SLC35F3: variants seen among roughly 807,000 people sequenced by gnomAD.
SLC35F3 encodes the protein putative thiamine transporter SLC35F3.
A neutral mutation model predicts 49.9 loss-of-function variants in SLC35F3; 25 were observed. The observed-to-expected ratio is 0.50, with a 90% confidence interval of 0.37 to 0.70. The LOEUF (loss-of-function observed/expected upper bound fraction) is 0.70. SLC35F3 is among the 30% of genes least tolerant of loss of function. The pLI, the probability that SLC35F3 is intolerant of heterozygous loss-of-function variation, is 0.00. For synonymous variants in SLC35F3, 275 were observed against 265.4 expected (o/e 1.04, Z -0.35); for missense variants, 525 against 639.8 (o/e 0.82, Z 1.94).
At chr1:234,111,081 A>G (rs893803048) in intron 2 of SLC35F3, among the ~76,000 whole-genome samples, 3 of 152,224 alleles carry the variant, frequency 2.0e-5, no homozygotes, top group Non-Finnish European at 4.4e-5. Context: ...TTAAGATGAG[A>G]AATAAGGTAA....
At chr1:234,235,223 C>T (rs1237896596) in intron 3 of SLC35F3, among the ~76,000 whole-genome samples, 3 of 152,182 alleles carry the variant, frequency 2.0e-5, no homozygotes, top group Non-Finnish European at 4.4e-5. Flanking sequence ...CTCAACCATC[C>T]AGGAGTACAA....
At chr1:234,088,975 T>A (rs1439564179) in intron 2 of SLC35F3, among the ~76,000 whole-genome samples, 3 of 152,158 alleles carry the variant, frequency 2.0e-5, no homozygotes, top group Non-Finnish European at 2.9e-5. Context: ...TTGCCCAGGC[T>A]GGTCTCCAAC....
At chr1:234,302,270 G>A (rs1488869938) in intron 3 of SLC35F3, among the ~76,000 whole-genome samples, 2 of 152,168 alleles carry the variant, frequency 1.3e-5, no homozygotes, top group East Asian at 1.9e-4. Flanking sequence ...TTTGGGGACT[G>A]TGCTAAGTTG....
At chr1:233,922,256 C>CA (rs1571980382) in intron 2 of SLC35F3, among the ~76,000 whole-genome samples, 2 of 152,170 alleles carry the variant, frequency 1.3e-5, no homozygotes, top group East Asian at 3.9e-4. Flanking sequence ...ACAGTCCCAC[C>CA]AACAGTGTAA....
At chr1:234,259,968 G>T (rs545927952) in intron 3 of SLC35F3, among the ~76,000 whole-genome samples, 8 of 152,108 alleles carry the variant, frequency 5.3e-5, no homozygotes, top group Non-Finnish European at 1.2e-4. Context: ...AGATTAAACT[G>T]CCCCTCGTAG....
At chr1:234,143,004 C>T (rs1665940448) in intron 2 of SLC35F3, among the ~76,000 whole-genome samples, 1 of 152,122 alleles carries the variant, frequency 6.6e-6, no homozygotes, top group South Asian at 2.1e-4. Context: ...TACAGTCAAG[C>T]AAATTAACAT....
intron 2 of SLC35F3, among the ~76,000 whole-genome samples, chr1:234,092,290 G>A (rs747960540): frequency 6.6e-6 from 1 of 152,190 alleles, no homozygotes; most frequent in Non-Finnish European, 1.5e-5. Flanking sequence ...AAGTAAAAAT[G>A]TATTAATAGG....
intron 2 of SLC35F3, among the ~76,000 whole-genome samples, chr1:233,989,312 A>T (rs12567674): frequency 6.6e-6 from 1 of 152,246 alleles, no homozygotes; most frequent in Non-Finnish European, 1.5e-5. Flanking sequence ...GAGAATTTCT[A>T]TGAAAACTTT....
chr1:234,294,212 A>G (rs1668554287), intron 3 of SLC35F3, among the ~76,000 whole-genome samples: 1 of 152,186 alleles, frequency 6.6e-6, no homozygotes, highest in Non-Finnish European at 1.5e-5. Context: ...TTCCTGCAAC[A>G]CCCAGGGAGG....
chr1:233,939,606 T>C (rs1662389324), intron 2 of SLC35F3, among the ~76,000 whole-genome samples: 1 of 152,232 alleles, frequency 6.6e-6, no homozygotes, highest in African/African-American at 2.4e-5. Flanking sequence ...AGCTGTGTTC[T>C]TTACATGATT....
intron 2 of SLC35F3, among the ~76,000 whole-genome samples, chr1:234,020,004 G>C (rs1663866883): frequency 6.6e-6 from 1 of 152,098 alleles, no homozygotes; most frequent in Non-Finnish European, 1.5e-5. Context: ...GATCCAGGAG[G>C]TGCTCCAGCA....
chr1:234,140,282 T>C (rs1056402013), intron 2 of SLC35F3, among the ~76,000 whole-genome samples: 1 of 152,154 alleles, frequency 6.6e-6, no homozygotes, highest in African/African-American at 2.4e-5. Flanking sequence ...CATTTAATCA[T>C]CTCGCATCAT....
chr1:234,216,602 C>A (rs1016669707), intron 2 of SLC35F3, among the ~76,000 whole-genome samples: 2 of 152,232 alleles, frequency 1.3e-5, no homozygotes, highest in African/African-American at 4.8e-5. Flanking sequence ...TGCCTCGCCA[C>A]GGGCTTGGCT....
At chr1:234,107,174 A>C (rs1665296595) in intron 2 of SLC35F3, among the ~76,000 whole-genome samples, 1 of 152,178 alleles carries the variant, frequency 6.6e-6, no homozygotes, top group South Asian at 2.1e-4. Flanking sequence ...AGGTGGTGCC[A>C]CTTGCCTCCC....
chr1:233,911,647 G>A (rs542636759), intron 2 of SLC35F3, among the ~76,000 whole-genome samples: 8 of 152,318 alleles, frequency 5.3e-5, no homozygotes, highest in African/African-American at 1.9e-4. Context: ...GAAATCCCTC[G>A]TGCCTATTAA....
intron 2 of SLC35F3, among the ~76,000 whole-genome samples, chr1:233,931,986 C>A (rs1187846480): frequency 6.6e-6 from 1 of 152,196 alleles, no homozygotes; most frequent in Admixed American, 6.5e-5. Context: ...AGTTCATGTC[C>A]TTTGCAGGGA....
chr1:234,238,012 C>A (rs551668024), intron 3 of SLC35F3, among the ~76,000 whole-genome samples: 78 of 152,142 alleles, frequency 5.1e-4, no homozygotes, highest in Non-Finnish European at 6.8e-4. Context: ...CCTTTCCTGT[C>A]TGATTTCTAA....
At chr1:233,969,476 A>G (rs572982688) in intron 2 of SLC35F3, among the ~76,000 whole-genome samples, 5 of 152,078 alleles carry the variant, frequency 3.3e-5, no homozygotes, top group African/African-American at 1.2e-4. Context: ...TTCCTGCCTT[A>G]GTGTGGCCAC....
intron 2 of SLC35F3, among the ~76,000 whole-genome samples, chr1:233,994,067 C>CA (rs1408003238): frequency 6.6e-6 from 1 of 152,172 alleles, no homozygotes; most frequent in African/African-American, 2.4e-5. Flanking sequence ...GAATTAGAGT[C>CA]AAAGGCCAAG....
Sources: gnomAD v4.1 joint callset for allele counts (sites outside exome capture counted in the v4.1 genomes callset) on GRCh38, gnomAD v4.1.1 for gene constraint, MANE v1.5 for transcripts, NCBI Gene and HGNC (gene_info 2026-07-23, HGNC 2026-07-21) for gene names.